Variants in DISC1 observed in about 807,000 individuals in gnomAD.
DISC1 encodes disrupted in schizophrenia 1 protein.
In DISC1, 57 loss-of-function variants were observed where a neutral mutation model predicts 84.5. The observed-to-expected ratio is 0.67, with a 90% CI of 0.55 to 0.84. The LOEUF (loss-of-function observed/expected upper bound fraction) is 0.84. Among genes scored for constraint, DISC1 ranks in the 40% least tolerant of loss-of-function variants. DISC1 has a pLI of 0.00. For synonymous variants in DISC1, 411 were observed against 415.2 expected (o/e 0.99, Z 0.12); for missense variants, 1,000 against 1,057.8 (o/e 0.95, Z 0.76).
chr1:231,955,182 C>A (rs902066148), intron 9 of DISC1, among the ~76,000 whole-genome samples: 2 of 152,166 alleles, frequency 1.3e-5, no homozygotes, highest in Non-Finnish European at 2.9e-5. Flanking sequence ...TGGCGCGTTG[C>A]GTACGATCAG....
At chr1:232,003,021 C>G (rs896880652) in intron 10 of DISC1, among the ~76,000 whole-genome samples, 2 of 151,940 alleles carry the variant, frequency 1.3e-5, no homozygotes, top group Non-Finnish European at 2.9e-5. Flanking sequence ...CATGAGATCT[C>G]TCTATACTCT....
At chr1:231,798,282 G>A (rs1299778298) in intron 7 of DISC1, among the ~76,000 whole-genome samples, 3 of 152,126 alleles carry the variant, frequency 2.0e-5, no homozygotes, top group African/African-American at 7.2e-5. Flanking sequence ...GAAACAGTTG[G>A]AAATAAATGG....
intron 7 of DISC1, among the ~76,000 whole-genome samples, chr1:231,796,548 A>T (rs2078782426): frequency 6.6e-6 from 1 of 152,028 alleles, no homozygotes; most frequent in African/African-American, 2.4e-5. Flanking sequence ...TACTCTGTGC[A>T]TTTTCTCCAT....
chr1:232,032,167 C>T (rs556155560), intron 12 of DISC1, among the ~76,000 whole-genome samples: 79 of 152,284 alleles, frequency 5.2e-4, no homozygotes, highest in African/African-American at 1.8e-3. Context: ...TGGAGCATTT[C>T]AGATTTTGGA....
chr1:231,769,256 C>A (rs145107726), intron 5 of DISC1, among the ~76,000 whole-genome samples: 5 of 152,160 alleles, frequency 3.3e-5, no homozygotes, highest in Admixed American at 1.3e-4. Context: ...AGCCACCCCC[C>A]CTTCTGGGTA....
chr1:231,800,990 A>AAAACTATCTT (rs1256790991), intron 8 of DISC1, among the ~76,000 whole-genome samples: 34 of 152,144 alleles, frequency 2.2e-4, no homozygotes, highest in African/African-American at 8.2e-4. Flanking sequence ...TATAGGTTGA[A>AAAACTATCTT]TGGACCCAGA....
chr1:231,984,895 G>T (rs925320507), intron 10 of DISC1, among the ~76,000 whole-genome samples: 1 of 152,156 alleles, frequency 6.6e-6, no homozygotes, highest in African/African-American at 2.4e-5. Flanking sequence ...TGAGGAAAAA[G>T]CTTAGCACGG....
At chr1:231,652,031 C>T (rs762761065) in intron 1 of DISC1, among the ~76,000 whole-genome samples, 66 of 152,244 alleles carry the variant, frequency 4.3e-4, no homozygotes, top group Non-Finnish European at 8.7e-4. Flanking sequence ...AATCCCCTGA[C>T]CCCTTGTGCT....
chr1:232,026,755 CTT>C (rs1304190024), intron 12 of DISC1, among the ~76,000 whole-genome samples: 1 of 120,406 alleles, frequency 8.3e-6, no homozygotes, highest in Non-Finnish European at 1.7e-5. Context: ...TATTTTTTTT[CTT>C]TTTTCTTTTT....
At chr1:231,923,309 AAAAAAAAAAC>A (rs1476543368) in intron 9 of DISC1, among the ~76,000 whole-genome samples, 6 of 149,236 alleles carry the variant, frequency 4.0e-5, no homozygotes, top group African/African-American at 1.2e-4. Context: ...AAAAAAACCA[AAAAAAAAAAC>A]AAAAAGAAAA....
chr1:231,879,046 TGAGTATCC>T (rs1428518339), intron 9 of DISC1, among the ~76,000 whole-genome samples: 1 of 152,140 alleles, frequency 6.6e-6, no homozygotes, highest in African/African-American at 2.4e-5. Flanking sequence ...TACTACAGGT[TGAGTATCC>T]CTTATCTGAA....
At chr1:231,929,690 C>T (rs775107420) in intron 9 of DISC1, among the ~76,000 whole-genome samples, 17 of 152,122 alleles carry the variant, frequency 1.1e-4, no homozygotes, top group Non-Finnish European at 2.4e-4. Flanking sequence ...GTCATGAAGC[C>T]CACTGTGGCT....
At chr1:231,710,156 G>T (rs1434409470) in intron 3 of DISC1, among the ~76,000 whole-genome samples, 1 of 152,142 alleles carries the variant, frequency 6.6e-6, no homozygotes, top group East Asian at 1.9e-4. Context: ...CGGCAACACT[G>T]TGAGGTCCCA....
chr1:231,672,649 A>T (rs1051923083), intron 1 of DISC1, among the ~76,000 whole-genome samples: 1 of 151,630 alleles, frequency 6.6e-6, no homozygotes, highest in Admixed American at 6.6e-5. Flanking sequence ...TTGCTTTGTG[A>T]CCCCCTTGGG....
intron 9 of DISC1, among the ~76,000 whole-genome samples, chr1:231,948,929 G>A (rs1657803348): frequency 6.8e-6 from 1 of 147,704 alleles, no homozygotes; most frequent in Non-Finnish European, 1.5e-5. Flanking sequence ...GAGTGCAGTG[G>A]TGCGATCTCG....
intron 1 of DISC1, among the ~76,000 whole-genome samples, chr1:231,667,853 T>A (rs1401157841): frequency 2.6e-5 from 4 of 152,194 alleles, no homozygotes; most frequent in Admixed American, 6.5e-5. Flanking sequence ...TGTTACTTAT[T>A]TTTTCAAAAC....
chr1:231,968,573 C>T (rs902206377), intron 10 of DISC1, among the ~76,000 whole-genome samples: 1 of 132,238 alleles, frequency 7.6e-6, no homozygotes, highest in East Asian at 2.2e-4. Flanking sequence ...GCCTGGGCGA[C>T]AGAGCGAGAC....
chr1:231,775,582 A>G (rs2076901344), intron 6 of DISC1, among the ~76,000 whole-genome samples: 1 of 152,236 alleles, frequency 6.6e-6, no homozygotes, highest in Non-Finnish European at 1.5e-5. Context: ...AGTAGAGCCA[A>G]CAAAAATGGT....
chr1:231,899,043 G>A (rs2087943210), intron 9 of DISC1, among the ~76,000 whole-genome samples: 3 of 151,592 alleles, frequency 2.0e-5, no homozygotes, highest in South Asian at 4.2e-4. Flanking sequence ...GGAAAGAGTG[G>A]AGGACAGATC....
Sources: allele counts gnomAD v4.1 joint callset (sites outside exome capture counted in the v4.1 genomes callset), GRCh38; gene constraint gnomAD v4.1.1; transcripts MANE v1.5; gene names NCBI Gene and HGNC (gene_info 2026-07-23, HGNC 2026-07-21).